The following CACNA1D variants were observed in gnomAD, a reference collection of about 807,000 sequenced individuals.
CACNA1D encodes the protein voltage-dependent L-type calcium channel subunit alpha-1D.
CACNA1D carries 55 observed loss-of-function variants against 257.1 expected under a neutral mutation model. That is an observed-to-expected ratio of 0.21 (90% CI 0.17 to 0.27). The LOEUF (loss-of-function observed/expected upper bound fraction) is 0.27. CACNA1D is among the 10% of genes least tolerant of loss of function. The pLI is 1.00. For synonymous variants in CACNA1D, 980 were observed against 1,014.9 expected, an observed-to-expected ratio of 0.97 and a Z score of 0.65; for missense variants, 1,876 against 2,784.0, an observed-to-expected ratio of 0.67 and a Z score of 7.34.
intron 9 of CACNA1D, among the ~76,000 whole-genome samples, chr3:53,716,802 C>G (rs1363837215): frequency 6.6e-6 from 1 of 152,174 alleles, no homozygotes; most frequent in African/African-American, 2.4e-5. Flanking sequence ...GGCTCAGTTT[C>G]TCGGGCACTC....
intron 3 of CACNA1D, among the ~76,000 whole-genome samples, chr3:53,542,676 G>A (rs548240864): frequency 1.3e-3 from 204 of 152,216 alleles, no homozygotes; most frequent in Admixed American, 2.9e-3. Context: ...TGAAATAGCC[G>A]GTTTACTTAC....
At position 53,528,499 on chromosome 3, in the gene CACNA1D, T is replaced by C. The variant is rs149680834; in HGVS notation, c.483+26779T>C. 9.5e-4 allele frequency among the ~76,000 whole-genome samples: 145 copies of C among 152,314 alleles called. 5 individuals are homozygous for C. In the East Asian group the frequency reaches 0.021, roughly 22 times the overall value. On this transcript the variant is annotated intron_variant, in intron 3 of 47. Coordinates refer to ENST00000350061, the MANE Select transcript of CACNA1D (RefSeq NM_001128840.3). The stretch of plus-strand genomic sequence containing the variant: ...TTGTTCTCCACCCCTCACTACAAGA[T>C]TGTATTGGCTATTCTAGGTCCTTTG...
At chr3:53,635,906 T>G (rs1183795635) in intron 3 of CACNA1D, among the ~76,000 whole-genome samples, 1 of 152,200 alleles carries the variant, frequency 6.6e-6, no homozygotes, top group Admixed American at 6.5e-5. Context: ...CGACCCTGCC[T>G]GAGTCTCCGT....
intron 20 of CACNA1D, among the ~76,000 whole-genome samples, chr3:53,736,986 T>G (rs2095063738): frequency 6.6e-6 from 1 of 151,888 alleles, no homozygotes; most frequent in South Asian, 2.1e-4. Context: ...ATCCATGGAT[T>G]CAACCAACCA....
intron 20 of CACNA1D, among the ~76,000 whole-genome samples, chr3:53,738,311 T>C (rs953944483): frequency 2.0e-5 from 3 of 152,216 alleles, no homozygotes; most frequent in African/African-American, 7.2e-5. Context: ...CGCACTCCGA[T>C]ATGAAGAGAA....
chr3:53,501,618 A>G lies in CACNA1D; in HGVS notation c.381A>G (p.Pro127=), dbSNP rs773914210. The part of the protein sequence containing the change: ...RACISIVEWK[P]FDIFILLAIF... ...ATACCTTAACACATTTTTTCAGACC[A>G]TTTGACATATTTATATTATTGGCTA... The change falls in exon 3 of 48, where the codon CCA becomes CCG. Residue 127 remains proline (P), a synonymous_variant. Transcript: ENST00000350061. The G allele has an allele frequency of 9.2e-6, 14 of 1,528,530 alleles. No individual in the cohort carries two copies. The South Asian group carries it at 1.5e-4, about 16-fold the overall frequency. The allele number at this position is 1,528,530 out of a possible 1,614,324, so 94.7% of individuals were successfully genotyped here.
At chr3:53,663,963 A>G (rs1320016264) in intron 5 of CACNA1D, among the ~76,000 whole-genome samples, 1 of 152,088 alleles carries the variant, frequency 6.6e-6, no homozygotes, top group African/African-American at 2.4e-5. Flanking sequence ...ATGGGGTTTC[A>G]TCATGTTGGC....
chr3:53,677,668 T>C (rs2094389854), intron 8 of CACNA1D, among the ~76,000 whole-genome samples: 1 of 152,212 alleles, frequency 6.6e-6, no homozygotes, highest in African/African-American at 2.4e-5. Flanking sequence ...CTCTGGAGAA[T>C]GTGGAAGCAC....
intron 8 of CACNA1D, among the ~76,000 whole-genome samples, chr3:53,683,991 A>G (rs572600607): frequency 2.0e-5 from 3 of 152,224 alleles, no homozygotes; most frequent in Admixed American, 1.3e-4. Context: ...TCAAATTTAG[A>G]TGGCTGAAAG....
chr3:53,782,523 C>G (rs2095431727), intron 39 of CACNA1D: 1 of 152,050 alleles, frequency 6.6e-6, no homozygotes, highest in South Asian at 2.1e-4. Flanking sequence ...ACTGGTCTGG[C>G]TCAGGTCTGG....
At chr3:53,603,977 G>A (rs1419298645) in intron 3 of CACNA1D, among the ~76,000 whole-genome samples, 1 of 152,242 alleles carries the variant, frequency 6.6e-6, no homozygotes, top group Non-Finnish European at 1.5e-5. Context: ...GGAAGATTTA[G>A]TAGAGGGCCT....
At chr3:53,805,378 A>G (rs1290105907) in intron 45 of CACNA1D, among the ~76,000 whole-genome samples, 1 of 152,148 alleles carries the variant, frequency 6.6e-6, no homozygotes, top group African/African-American at 2.4e-5. Flanking sequence ...TTGAGAAGAG[A>G]GAGGCTGTGG....
At chr3:53,721,251 G>T (rs2094879971) in intron 11 of CACNA1D, among the ~76,000 whole-genome samples, 1 of 152,182 alleles carries the variant, frequency 6.6e-6, no homozygotes, top group South Asian at 2.1e-4. Context: ...GTAAAGAGTT[G>T]GCACAACTCT....
intron 25 of CACNA1D, 26 bp from the exon 26 acceptor site, chr3:53,747,276 C>T (rs368976012): frequency 3.0e-5 from 49 of 1,609,660 alleles, no homozygotes; most frequent in South Asian, 9.9e-5. Flanking sequence ...TGAAGCCAGA[C>T]GACCCACACC....
At position 53,748,511 on chromosome 3, in the gene CACNA1D, C is replaced by T. The variant is rs77009161; in HGVS notation, c.3315-757C>T. Among the ~76,000 whole-genome samples the T allele has an allele frequency of 9.3e-3, 1,421 of 152,298 alleles. 26 individuals are homozygous for T. The highest frequency in any genetic ancestry group is 0.031 in the African/African-American group (1,305 of 41,546). On this transcript the variant is annotated intron_variant, in intron 26 of 47. Coordinates refer to ENST00000350061, the MANE Select transcript of CACNA1D (RefSeq NM_001128840.3). ...AGGCTATAGTGTCAGGCTTTGAACA[C>T]TGTACTTGAGCAAATCATGGTGGCA...
chr3:53,496,918 G>A (rs1290708121), intron 1 of CACNA1D, among the ~76,000 whole-genome samples: 1 of 152,184 alleles, frequency 6.6e-6, no homozygotes, highest in Non-Finnish European at 1.5e-5. Context: ...CCCACTGGGT[G>A]TGATGCAGCG....
chr3:53,666,028 G>T (rs992075725), intron 6 of CACNA1D, among the ~76,000 whole-genome samples: 1 of 152,060 alleles, frequency 6.6e-6, no homozygotes, highest in African/African-American at 2.4e-5. Context: ...ATGTGTCCTG[G>T]CAAACAAGAT....
chr3:53,517,727 C>T (rs1204024220), intron 3 of CACNA1D, among the ~76,000 whole-genome samples: 1 of 152,140 alleles, frequency 6.6e-6, no homozygotes, highest in Non-Finnish European at 1.5e-5. Flanking sequence ...TGTGATCCAC[C>T]CATCTCAGCC....
At chr3:53,710,957 G>A (rs1238087135) in intron 9 of CACNA1D, among the ~76,000 whole-genome samples, 1 of 152,174 alleles carries the variant, frequency 6.6e-6, no homozygotes, top group African/African-American at 2.4e-5. Context: ...TTAGCTGGAT[G>A]CAGTGGCTCA....
Sources: gnomAD v4.1 joint callset for allele counts (sites outside exome capture counted in the v4.1 genomes callset) on GRCh38, gnomAD v4.1.1 for gene constraint, MANE v1.5 for transcripts, NCBI Gene and HGNC (gene_info 2026-07-23, HGNC 2026-07-21) for gene names.